Variants in ELAVL2 observed in about 807,000 individuals in gnomAD.
ELAVL2 encodes ELAV like RNA binding protein 2, also known as ELAV-like protein 2.
A neutral mutation model predicts 34.6 loss-of-function variants in ELAVL2; 4 were observed. The observed-to-expected ratio is 0.12, with a 90% CI of 0.06 to 0.26. The LOEUF is 0.26. Ranked by LOEUF, ELAVL2 falls within the 10% of genes least tolerant of loss-of-function variation. The probability of loss-of-function intolerance (pLI) is 1.00; values close to 1 mark genes in which losing one functional copy is unlikely to be tolerated. For missense variants in ELAVL2, 432 were observed against 442.8 expected, an observed-to-expected ratio of 0.98 and a Z score of 0.22; for synonymous variants, 193 against 154.8, an observed-to-expected ratio of 1.25 and a Z score of -1.83.
intron 5 of ELAVL2, among the ~76,000 whole-genome samples, chr9:23,699,682 C>T (rs1008971642): frequency 1.3e-5 from 2 of 151,958 alleles, no homozygotes; most frequent in African/African-American, 4.8e-5. Context: ...CAGAGGAAAC[C>T]TATGTGCAGA....
rs41271149 is a variant in ELAVL2, at chr9:23,691,768, G to A, written c.*789C>T. ...ATAAATCTTTCTAAATTTTCCAACC[G>A]CTGCAAATTTCCTGGTAAATTTTAA... On this transcript the variant is annotated 3_prime_UTR_variant, in exon 7 of 7. Transcript: ENST00000397312. 9.9e-3 allele frequency: 1,506 copies of A among 152,400 alleles called. 17 individuals are homozygous for A. The highest frequency in any genetic ancestry group is 0.017 in the Non-Finnish European group (1,166 of 67,944). The allele number at this position is 152,400 out of a possible 1,614,324, so 9.4% of individuals were successfully genotyped here. A position where few individuals can be genotyped will look rare whatever the true frequency, so the allele number is the denominator to read the frequency against.
chr9:23,743,754 C>G (rs2049847179), intron 2 of ELAVL2, among the ~76,000 whole-genome samples: 1 of 152,128 alleles, frequency 6.6e-6, no homozygotes, highest in African/African-American at 2.4e-5. Flanking sequence ...TTAAAAAAAT[C>G]TTATTCAACA....
chr9:23,743,414 G>A (rs891315850), intron 2 of ELAVL2, among the ~76,000 whole-genome samples: 10 of 152,126 alleles, frequency 6.6e-5, no homozygotes, highest in Non-Finnish European at 1.5e-5. Flanking sequence ...CTTTGAGGAA[G>A]ATTTTGCTAA....
At chr9:23,730,695 C>T (rs998134764) in intron 3 of ELAVL2, among the ~76,000 whole-genome samples, 3 of 152,078 alleles carry the variant, frequency 2.0e-5, no homozygotes, top group Admixed American at 2.0e-4. Context: ...CTACCCAGAC[C>T]TTTATAGAAG....
At chr9:23,747,626 T>C (rs2050822777) in intron 2 of ELAVL2, among the ~76,000 whole-genome samples, 1 of 152,152 alleles carries the variant, frequency 6.6e-6, no homozygotes, top group East Asian at 1.9e-4. Flanking sequence ...CAGAGGCTTT[T>C]GGAAACTCCC....
At position 23,712,947 on chromosome 9, in the gene ELAVL2, A is replaced by G. The variant is rs1222994084; in HGVS notation, c.334-7876T>C. On this transcript the variant is annotated intron_variant, in intron 3 of 6. Coordinates refer to ENST00000397312, the MANE Select transcript of ELAVL2 (RefSeq NM_004432.5). ...CTGTATATCAAGCAACTGATCATCA[A>G]CTACAGACTTCACAAATTAGACCAC... Among the ~76,000 whole-genome samples, 4 of 152,336 alleles carry G rather than the reference A, an allele frequency of 2.6e-5. No individual in the cohort carries two copies. In the South Asian group the frequency reaches 8.3e-4, roughly 32 times the overall value.
chr9:23,812,901 C>T (rs1290804064), intron 1 of ELAVL2, among the ~76,000 whole-genome samples: 2 of 152,034 alleles, frequency 1.3e-5, no homozygotes, highest in Non-Finnish European at 2.9e-5. Context: ...GAAGTGGCTG[C>T]CAGGAGAGCA....
chr9:23,787,126 G>A (rs2059786430), intron 1 of ELAVL2, among the ~76,000 whole-genome samples: 1 of 152,152 alleles, frequency 6.6e-6, no homozygotes, highest in African/African-American at 2.4e-5. Context: ...GGAAAAGGAA[G>A]ACAACATTGT....
At chr9:23,771,145 G>T (rs1305747081) in intron 1 of ELAVL2, among the ~76,000 whole-genome samples, 1 of 152,222 alleles carries the variant, frequency 6.6e-6, no homozygotes, top group African/African-American at 2.4e-5. Context: ...AGCAATTCAG[G>T]TGCAGGATGA....
chr9:23,835,472 T>C, the ELAVL2 span, among the ~76,000 whole-genome samples: 2 of 152,142 alleles, frequency 1.3e-5, no homozygotes, highest in East Asian at 1.9e-4. Flanking sequence ...TCCATTTACA[T>C]AGGCTAACAG....
In ELAVL2 at chr9:23,762,149, A is replaced by G. The variant is rs2055164040; in HGVS notation, c.86T>C (p.Val29Ala). ...TTINNNCSSPVDSGNTEDSKT... is the reference protein window; with the variant it reads ...TTINNNCSSPADSGNTEDSKT... The stretch of plus-strand genomic sequence containing the variant: ...GCTGTCTTCTGTGTTCCCAGAGTCA[A>G]CTGGTGACGAACAGTTGTTGTTTAT... The change falls in exon 2 of 7, where the codon GTT (valine) becomes GCT (alanine). Residue 29 changes from valine (V) to alanine (A), a missense_variant. By Grantham distance (64) the Val-to-Ala change is moderately conservative. Coordinates refer to ENST00000397312, the MANE Select transcript of ELAVL2 (RefSeq NM_004432.5). 1 of 1,613,472 alleles carries G rather than the reference A, an allele frequency of 6.2e-7. No homozygotes were observed.
At chr9:23,827,029 G>A (rs2065338229), upstream of ELAVL2, among the ~76,000 whole-genome samples, 1 of 152,292 alleles carries the variant, frequency 6.6e-6, no homozygotes, top group South Asian at 2.1e-4. Flanking sequence ...TGTTAGAATA[G>A]AAAAGTGTAG....
At chr9:23,783,054 G>T (rs1349448284) in intron 1 of ELAVL2, among the ~76,000 whole-genome samples, 1 of 152,144 alleles carries the variant, frequency 6.6e-6, no homozygotes, top group African/African-American at 2.4e-5. Context: ...TGGCTAGAGT[G>T]AGAGCCCACT....
At chr9:23,695,276 A>T (rs1377008709) in intron 5 of ELAVL2, among the ~76,000 whole-genome samples, 1 of 152,222 alleles carries the variant, frequency 6.6e-6, no homozygotes, top group Non-Finnish European at 1.5e-5. Flanking sequence ...AGAGAACCGC[A>T]TACTGAGGTC....
Position 23,800,453 on chromosome 9 carries a change from TGAG to T in ELAVL2, c.-16+25350_-16+25352del, listed in dbSNP as rs374809297. Among the ~76,000 whole-genome samples, 376 of 152,286 alleles carry T rather than the reference TGAG, an allele frequency of 2.5e-3. 2 individuals carry two copies. Among genetic ancestry groups the T allele is most frequent in the African/African-American group, 8.8e-3 (367 of 41,564 alleles). ...ATGAGCAAATGGCACCATGCTTACATGAGGAGAAGGACCTCACAAGCTGCAGAA... is the reference window on the plus strand; with the variant it reads ...ATGAGCAAATGGCACCATGCTTACATGAGAAGGACCTCACAAGCTGCAGAA... On this transcript the variant is annotated intron_variant, in intron 1 of 6. Coordinates refer to ENST00000397312, the MANE Select transcript of ELAVL2 (RefSeq NM_004432.5).
At position 23,692,486 on chromosome 9, in the gene ELAVL2, G is replaced by A. The variant is rs898287659; in HGVS notation, c.*71C>T. On this transcript the variant is annotated 3_prime_UTR_variant, in exon 7 of 7. Transcript: ENST00000397312. ...CTGACTTACAAAGACATTTACTAAT[G>A]TATAAAGTTTCTCTTAACTTGCCTT... is the stretch of plus-strand genomic sequence containing the variant. 13 of 1,450,382 alleles carry A rather than the reference G, an allele frequency of 9.0e-6. No individual in the cohort carries two copies. In the East Asian group the frequency reaches 2.4e-4, roughly 26 times the overall value. The allele number at this position is 1,450,382 out of a possible 1,614,324, so 89.8% of individuals were successfully genotyped here. A position where few individuals can be genotyped will look rare whatever the true frequency, so the allele number is the denominator to read the frequency against.
intron 3 of ELAVL2, among the ~76,000 whole-genome samples, chr9:23,718,614 T>TA (rs2042902234): frequency 6.6e-6 from 1 of 152,312 alleles, no homozygotes; most frequent in Admixed American, 6.5e-5. Flanking sequence ...ACAGAAATGT[T>TA]ATTAAAAGCC....
chr9:23,848,495 A>T, the ELAVL2 span, among the ~76,000 whole-genome samples: 1 of 152,194 alleles, frequency 6.6e-6, no homozygotes, highest in Admixed American at 6.5e-5. Flanking sequence ...ATCAATATTG[A>T]TGACTTTGGA....
intron 1 of ELAVL2, among the ~76,000 whole-genome samples, chr9:23,822,615 C>T (rs2138633098): frequency 6.6e-6 from 1 of 152,336 alleles, no homozygotes; most frequent in East Asian, 1.9e-4. Context: ...CAAAACCCAC[C>T]CCGGAGCCAC....
Sources: allele counts gnomAD v4.1 joint callset (sites outside exome capture counted in the v4.1 genomes callset), GRCh38; gene constraint gnomAD v4.1.1; transcripts MANE v1.5; gene names NCBI Gene and HGNC (gene_info 2026-07-23, HGNC 2026-07-21).